HYCC1: variants seen among roughly 807,000 people sequenced by gnomAD.
HYCC1 encodes the protein hyccin PI4KA lipid kinase complex subunit 1.
At chr7:22,912,000 C>A in the HYCC1 span, among the ~76,000 whole-genome samples, 1 of 152,100 alleles carries the variant, frequency 6.6e-6, no homozygotes, top group African/African-American at 2.4e-5. Flanking sequence ...TAGAAGACCA[C>A]AAAATGTTTT....
At chr7:23,007,240 A>C in the HYCC1 span, among the ~76,000 whole-genome samples, 1 of 152,318 alleles carries the variant, frequency 6.6e-6, no homozygotes, top group Middle Eastern at 3.4e-3. Context: ...ACTTCTCAGT[A>C]ATATGGGGTG....
At chr7:22,971,839 T>G in the HYCC1 span, among the ~76,000 whole-genome samples, 1 of 152,164 alleles carries the variant, frequency 6.6e-6, no homozygotes, top group Non-Finnish European at 1.5e-5. Context: ...CTTAATAAAG[T>G]CTGCATCTTC....
the HYCC1 span, among the ~76,000 whole-genome samples, chr7:22,977,678 G>A: frequency 6.6e-6 from 1 of 152,064 alleles, no homozygotes; most frequent in Non-Finnish European, 1.5e-5. Context: ...AATAATCCTT[G>A]ATCTTACTCA....
chr7:22,908,788 TGG>T, the HYCC1 span, among the ~76,000 whole-genome samples: 1 of 152,238 alleles, frequency 6.6e-6, no homozygotes, highest in Non-Finnish European at 1.5e-5. Context: ...TTTGTTTACC[TGG>T]GGGCCTTGGG....
chr7:22,899,145 C>T, the HYCC1 span, among the ~76,000 whole-genome samples: 21 of 152,084 alleles, frequency 1.4e-4, no homozygotes, highest in Non-Finnish European at 2.5e-4. Context: ...CTGAATGTCA[C>T]GATGGCAGGA....
chr7:22,945,906 T>C, the HYCC1 span: 1 of 1,613,908 alleles, frequency 6.2e-7, no homozygotes, highest in Non-Finnish European at 8.5e-7. Context: ...AGCTCAAGAT[T>C]CTCACTTTGG....
the HYCC1 span, among the ~76,000 whole-genome samples, chr7:22,957,453 AAAGAG>A: frequency 2.0e-5 from 3 of 152,000 alleles, no homozygotes; most frequent in African/African-American, 7.2e-5. Context: ...AGTAAAAGAA[AAAGAG>A]AAGAGCTCCA....
the HYCC1 span, chr7:22,964,629 T>G: frequency 1.4e-6 from 1 of 699,264 alleles, no homozygotes; most frequent in South Asian, 1.6e-5. Flanking sequence ...TACACTTTCA[T>G]AACAAACCTA....
the HYCC1 span, among the ~76,000 whole-genome samples, chr7:22,926,790 C>A: frequency 6.6e-6 from 1 of 151,404 alleles, no homozygotes; most frequent in African/African-American, 2.4e-5. Context: ...AGAAAGTCAA[C>A]AAGGATATCC....
the HYCC1 span, among the ~76,000 whole-genome samples, chr7:22,926,043 A>G: frequency 2.1e-4 from 32 of 152,228 alleles, no homozygotes; most frequent in Non-Finnish European, 3.7e-4. Flanking sequence ...TTCTTAAAGA[A>G]AAGAATTTTC....
At chr7:22,960,945 GGAGGCC>G in the HYCC1 span, among the ~76,000 whole-genome samples, 2 of 152,204 alleles carry the variant, frequency 1.3e-5, no homozygotes. Flanking sequence ...CAGCTACTCG[GGAGGCC>G]GAGGCAGGAA....
At chr7:22,968,458 C>A in the HYCC1 span, among the ~76,000 whole-genome samples, 1 of 152,168 alleles carries the variant, frequency 6.6e-6, no homozygotes, top group Non-Finnish European at 1.5e-5. Context: ...ACCTCTGAGA[C>A]CACCTACCAG....
the HYCC1 span, among the ~76,000 whole-genome samples, chr7:22,925,967 G>A: frequency 6.6e-6 from 1 of 152,146 alleles, no homozygotes; most frequent in African/African-American, 2.4e-5. Context: ...AAGCCCATCA[G>A]ACTAACAGCT....
At chr7:22,961,171 A>C in the HYCC1 span, 3 of 937,940 alleles carry the variant, frequency 3.2e-6, no homozygotes, top group Non-Finnish European at 5.0e-6. Context: ...ATGGCTCTCA[A>C]TTTATAGTTC....
the HYCC1 span, among the ~76,000 whole-genome samples, chr7:23,002,141 T>C: frequency 4.9e-3 from 51 of 10,390 alleles, no homozygotes; most frequent in African/African-American, 0.022. Context: ...AAATTGTATA[T>C]ATATATATAT....
At chr7:22,983,992 A>G in the HYCC1 span, 1 of 1,609,554 alleles carries the variant, frequency 6.2e-7, no homozygotes, top group East Asian at 2.2e-5. Context: ...AAACTAAAGA[A>G]CTCTTGTCTT....
the HYCC1 span, among the ~76,000 whole-genome samples, chr7:22,958,132 C>G: frequency 6.6e-6 from 1 of 151,866 alleles, no homozygotes; most frequent in African/African-American, 2.4e-5. Flanking sequence ...GTTAGAGAGC[C>G]TAGAAAAACA....
the HYCC1 span, among the ~76,000 whole-genome samples, chr7:22,924,926 A>AC: frequency 6.6e-6 from 1 of 152,056 alleles, no homozygotes; most frequent in Non-Finnish European, 1.5e-5. Flanking sequence ...ACTGGGAGGC[A>AC]CCCCCCAGTA....
chr7:22,924,174 T>C, the HYCC1 span, among the ~76,000 whole-genome samples: 1 of 84,188 alleles, frequency 1.2e-5, no homozygotes, highest in Non-Finnish European at 2.5e-5. Context: ...CGAGACTCTG[T>C]ATCAAAAAAA....
Sources: allele counts gnomAD v4.1 joint callset (sites outside exome capture counted in the v4.1 genomes callset), GRCh38; gene constraint gnomAD v4.1.1; transcripts MANE v1.5; gene names NCBI Gene and HGNC (gene_info 2026-07-23, HGNC 2026-07-21).